The following PDE11A variants were observed in gnomAD, a reference collection of about 807,000 sequenced individuals.
The protein encoded by PDE11A is dual 3',5'-cyclic-AMP and -GMP phosphodiesterase 11A.
In PDE11A, 100 loss-of-function variants were observed where a neutral mutation model predicts 100.5. The observed-to-expected ratio is 1.00, with a 90% CI of 0.85 to 1.18. The LOEUF (loss-of-function observed/expected upper bound fraction) is 1.18. PDE11A is among the 50% of genes most tolerant of loss of function. The pLI, the probability that PDE11A is intolerant of heterozygous loss-of-function variation, is 0.00. For synonymous variants in PDE11A, 381 were observed against 420.8 expected (o/e 0.91, Z 1.16); for missense variants, 1,141 against 1,152.6 (o/e 0.99, Z 0.15).
At chr2:177,707,315 A>G (rs1293187090) in intron 13 of PDE11A, among the ~76,000 whole-genome samples, 1 of 152,176 alleles carries the variant, frequency 6.6e-6, no homozygotes, top group African/African-American at 2.4e-5. Flanking sequence ...TTGTCTCAGG[A>G]AGTGTTAGTT....
At chr2:177,820,332 T>C (rs768329892) in intron 6 of PDE11A, 37 bp from the exon 7 acceptor site, 1 of 1,074,442 alleles carries the variant, frequency 9.3e-7, no homozygotes, top group East Asian at 2.4e-5. Flanking sequence ...AAATTGAATA[T>C]TAACTATTCA....
At chr2:177,719,632 C>T (rs62183004) in intron 12 of PDE11A, among the ~76,000 whole-genome samples, 1 of 152,202 alleles carries the variant, frequency 6.6e-6, no homozygotes, top group South Asian at 2.1e-4. Flanking sequence ...GTCATCGTGC[C>T]TTTGCTGATC....
At chr2:177,991,687 A>G (rs972456951) in intron 2 of PDE11A, among the ~76,000 whole-genome samples, 1 of 151,238 alleles carries the variant, frequency 6.6e-6, no homozygotes, top group Non-Finnish European at 1.5e-5. Flanking sequence ...ATGAAAATAT[A>G]TATACTCTTT....
rs771787260 is a variant in PDE11A at position 177,629,410 on chromosome 2, G to C, written c.2799C>G (p.Asn933Lys). Residue 933 changes from asparagine to lysine, a missense_variant, in exon 20 of 20, where the codon AAC becomes AAG. Transcript: ENST00000286063. Reference sequence around the variant, plus strand: ...CAGCTGCAGCTGACCTGGAGGTTTAGTTCCTGTCTTCCTTGGCTACCATAA... The same window carrying C: ...CAGCTGCAGCTGACCTGGAGGTTTACTTCCTGTCTTCCTTGGCTACCATAA... Reference protein sequence around the residue: ...ASVMVAKEDRN With the variant: ...ASVMVAKEDRK The C allele has an allele frequency of 2.9e-5, 47 of 1,613,126 alleles. No individual in the cohort carries two copies. The South Asian group carries it at 5.1e-4, about 17-fold the overall frequency.
intron 9 of PDE11A, among the ~76,000 whole-genome samples, chr2:177,792,487 C>G (rs1050893200): frequency 6.6e-6 from 1 of 152,132 alleles, no homozygotes; most frequent in South Asian, 2.1e-4. Flanking sequence ...CAAAGGATTA[C>G]CATTATGCTT....
chr2:177,921,092 CT>C (rs58365596), intron 2 of PDE11A, among the ~76,000 whole-genome samples: 545 of 138,050 alleles, frequency 3.9e-3, no homozygotes, highest in Admixed American at 4.4e-3. Flanking sequence ...TCAAAAATAA[CT>C]TTTTTTTTTT....
chr2:177,656,189 C>A (rs1179641235), intron 19 of PDE11A, among the ~76,000 whole-genome samples: 5 of 152,156 alleles, frequency 3.3e-5, no homozygotes, highest in African/African-American at 1.2e-4. Flanking sequence ...CATTTCAGTC[C>A]ATGATGGACC....
At chr2:178,099,446 GAAAAAAAAAA>G (rs201692711) in intron 2 of PDE11A, among the ~76,000 whole-genome samples, 7 of 84,556 alleles carry the variant, frequency 8.3e-5, no homozygotes, top group Admixed American at 2.7e-4. Flanking sequence ...CATCTCAAGA[GAAAAAAAAAA>G]AAAAAAAAAA....
At chr2:177,877,883 C>T (rs1453470868) in intron 4 of PDE11A, among the ~76,000 whole-genome samples, 1 of 152,130 alleles carries the variant, frequency 6.6e-6, no homozygotes, top group Non-Finnish European at 1.5e-5. Flanking sequence ...CCAAGGTTGA[C>T]ATTTAGATTT....
intron 2 of PDE11A, among the ~76,000 whole-genome samples, chr2:177,990,737 C>CCTACCTATTCTT (rs2085992834): frequency 1.9e-4 from 14 of 74,490 alleles, no homozygotes; most frequent in South Asian, 4.5e-4. Context: ...GACTCTGTCT[C>CCTACCTATTCTT]AAAAAAAAAA....
chr2:177,729,845 C>G (rs1381770795), intron 10 of PDE11A, among the ~76,000 whole-genome samples: 1 of 149,368 alleles, frequency 6.7e-6, no homozygotes, highest in Non-Finnish European at 1.5e-5. Flanking sequence ...AAGCCCTTTT[C>G]TTTTTTCCCC....
intron 18 of PDE11A, among the ~76,000 whole-genome samples, chr2:177,665,330 A>T (rs1013644634): frequency 8.3e-5 from 12 of 143,752 alleles, no homozygotes; most frequent in African/African-American, 3.1e-4. Context: ...AAAAAAAAAA[A>T]TTAGCCAACT....
chr2:178,050,238 G>C (rs1380875275), intron 1 of PDE11A, among the ~76,000 whole-genome samples: 1 of 152,212 alleles, frequency 6.6e-6, no homozygotes, highest in African/African-American at 2.4e-5. Flanking sequence ...CAGGCAAACA[G>C]GGTCTGGGGT....
intron 2 of PDE11A, among the ~76,000 whole-genome samples, chr2:178,005,488 A>G (rs566750844): frequency 6.6e-6 from 1 of 152,166 alleles, no homozygotes; most frequent in Non-Finnish European, 1.5e-5. Flanking sequence ...CTCTTAAAAA[A>G]TTATGTATCT....
At chr2:178,043,176 G>T (rs2086704630) in intron 1 of PDE11A, among the ~76,000 whole-genome samples, 1 of 152,090 alleles carries the variant, frequency 6.6e-6, no homozygotes, top group Non-Finnish European at 1.5e-5. Flanking sequence ...GGAACTTAAG[G>T]AACTGTACAT....
At chr2:178,022,543 A>G (rs2086425957) in intron 1 of PDE11A, among the ~76,000 whole-genome samples, 1 of 152,090 alleles carries the variant, frequency 6.6e-6, no homozygotes, top group Non-Finnish European at 1.5e-5. Context: ...CTAGGTAAGG[A>G]TGGGAATTTT....
intron 4 of PDE11A, among the ~76,000 whole-genome samples, chr2:177,877,418 G>A (rs1348433813): frequency 6.6e-6 from 1 of 152,082 alleles, no homozygotes; most frequent in Non-Finnish European, 1.5e-5. Context: ...ACAAGCCTTG[G>A]CTTCCCAAAG....
Position 177,624,317 on chromosome 2 carries a change from G to A in PDE11A, c.*5090C>T, listed in dbSNP as rs1034521194. The A allele has an allele frequency of 2.0e-5, 3 of 146,668 alleles. No homozygotes were observed. The highest frequency in any genetic ancestry group is 7.5e-5 in the African/African-American group (3 of 39,778). 9.1% of individuals were successfully genotyped at this position (146,668 alleles called of 1,614,324 possible). A position where few individuals can be genotyped will look rare whatever the true frequency, so the allele number is the denominator to read the frequency against. On this transcript the variant is annotated 3_prime_UTR_variant, in exon 20 of 20. Coordinates refer to ENST00000286063, the MANE Select transcript of PDE11A (RefSeq NM_016953.4). ...TTATATTTAAATCTTTCCCTAGTAT[G>A]TCTAGGTTTCTGTCCCACTGGAAGG...
chr2:177,676,727 C>T (rs746264711), intron 16 of PDE11A, among the ~76,000 whole-genome samples: 1 of 152,188 alleles, frequency 6.6e-6, no homozygotes, highest in African/African-American at 2.4e-5. Flanking sequence ...CATTTTTGAC[C>T]TTCTGTATCA....
Sources: gnomAD v4.1 joint callset for allele counts (sites outside exome capture counted in the v4.1 genomes callset) on GRCh38, gnomAD v4.1.1 for gene constraint, MANE v1.5 for transcripts, NCBI Gene and HGNC (gene_info 2026-07-23, HGNC 2026-07-21) for gene names.